The following LRFN5 variants were observed in gnomAD, a reference collection of about 807,000 sequenced individuals.
The protein encoded by LRFN5 is leucine-rich repeat and fibronectin type-III domain-containing protein 5.
In LRFN5, 24 loss-of-function variants were observed where a neutral mutation model predicts 45.6. The ratio of observed to expected loss-of-function variants is 0.53; its 90% CI spans 0.38 to 0.74. The LOEUF (loss-of-function observed/expected upper bound fraction) is 0.74, where lower values mean the gene tolerates loss of function less well. LRFN5 is among the 30% of genes least tolerant of loss of function. The pLI is 0.00. For synonymous variants in LRFN5, 340 were observed against 313.8 expected, an observed-to-expected ratio of 1.08 and a Z score of -0.88; for missense variants, 776 against 861.5, an observed-to-expected ratio of 0.90 and a Z score of 1.24.
intron 1 of LRFN5, among the ~76,000 whole-genome samples, chr14:41,641,556 T>C (rs1879578535): frequency 6.6e-6 from 1 of 152,112 alleles, no homozygotes; most frequent in Non-Finnish European, 1.5e-5. Context: ...TAGCATGAAA[T>C]GGCTTTTCTA....
In LRFN5 at chr14:41,639,275, T is replaced by C. The variant is rs74045183; in HGVS notation, c.-197+30713T>C. ...AACGAGTAGGTTTGCCTTCAAAGGA[T>C]GGACAGTCTGATAAATACTCTAATT... On this transcript the variant is annotated intron_variant, in intron 1 of 5. Coordinates refer to ENST00000298119, the MANE Select transcript of LRFN5 (RefSeq NM_152447.5). 5.0e-3 allele frequency among the ~76,000 whole-genome samples: 765 copies of C among 152,234 alleles called. 4 individuals carry two copies. The highest frequency in any genetic ancestry group is 0.018 in the African/African-American group (743 of 41,552).
At chr14:41,703,810 A>G (rs1323230131) in intron 1 of LRFN5, among the ~76,000 whole-genome samples, 1 of 152,152 alleles carries the variant, frequency 6.6e-6, no homozygotes, top group Admixed American at 6.5e-5. Context: ...GCATTATTGT[A>G]ACAATTTTGT....
intron 1 of LRFN5, among the ~76,000 whole-genome samples, chr14:41,678,175 A>G (rs1306053998): frequency 6.6e-6 from 1 of 152,068 alleles, no homozygotes; most frequent in Admixed American, 6.6e-5. Flanking sequence ...TACACTTAAG[A>G]ATGTTATTAG....
At chr14:41,770,544 C>A (rs532358153) in intron 2 of LRFN5, among the ~76,000 whole-genome samples, 2 of 152,244 alleles carry the variant, frequency 1.3e-5, no homozygotes, top group South Asian at 4.1e-4. Flanking sequence ...GGGTAATAGA[C>A]CCTGTACAAC....
chr14:41,778,419 T>C, intron 2 of LRFN5, among the ~76,000 whole-genome samples: 1 of 151,802 alleles, frequency 6.6e-6, no homozygotes, highest in Non-Finnish European at 1.5e-5. Context: ...GACTATTTTA[T>C]AGTTTTACAG....
At chr14:41,725,913 A>T (rs1247012317) in intron 1 of LRFN5, among the ~76,000 whole-genome samples, 2 of 152,198 alleles carry the variant, frequency 1.3e-5, no homozygotes, top group African/African-American at 4.8e-5. Context: ...ACATGTTAGA[A>T]AATGTTACTG....
chr14:41,892,030 A>G, intron 4 of LRFN5, 68 bp downstream of exon 4: 1 of 1,555,992 alleles, frequency 6.4e-7, no homozygotes, highest in Non-Finnish European at 8.6e-7. Context: ...ATGGAGAATT[A>G]AAGGAATACT....
intron 1 of LRFN5, among the ~76,000 whole-genome samples, chr14:41,623,589 G>A (rs1391713451): frequency 6.6e-6 from 1 of 152,096 alleles, no homozygotes; most frequent in Non-Finnish European, 1.5e-5. Flanking sequence ...TCTATATTAA[G>A]TGGTTTTAAG....
At chr14:41,723,018 C>T (rs1383428109) in intron 1 of LRFN5, among the ~76,000 whole-genome samples, 1 of 152,180 alleles carries the variant, frequency 6.6e-6, no homozygotes, top group Non-Finnish European at 1.5e-5. Context: ...GCCCCAAGCT[C>T]TCTGCATAGT....
chr14:41,753,743 T>A (rs573245872), intron 1 of LRFN5, among the ~76,000 whole-genome samples: 18 of 152,178 alleles, frequency 1.2e-4, no homozygotes, highest in Non-Finnish European at 2.1e-4. Context: ...CTTTTCCTAA[T>A]TGAATACCCT....
chr14:41,831,257 C>T (rs1432026064), intron 2 of LRFN5, among the ~76,000 whole-genome samples: 1 of 152,138 alleles, frequency 6.6e-6, no homozygotes, highest in Admixed American at 6.5e-5. Context: ...CACCATTCTT[C>T]TTTGATAGCT....
chr14:41,716,226 A>G (rs1883489822), intron 1 of LRFN5, among the ~76,000 whole-genome samples: 1 of 152,196 alleles, frequency 6.6e-6, no homozygotes, highest in African/African-American at 2.4e-5. Flanking sequence ...GACCTCTGGC[A>G]TGCCCTGGAG....
intron 1 of LRFN5, among the ~76,000 whole-genome samples, chr14:41,649,725 G>C (rs1880002219): frequency 6.6e-6 from 1 of 152,086 alleles, no homozygotes; most frequent in African/African-American, 2.4e-5. Flanking sequence ...CCTGTTAGGT[G>C]GGTTTAACCA....
intron 2 of LRFN5, among the ~76,000 whole-genome samples, chr14:41,787,715 T>C (rs1594709332): frequency 6.6e-6 from 1 of 152,046 alleles, no homozygotes; most frequent in South Asian, 2.1e-4. Flanking sequence ...AATATAACTT[T>C]TTTTTCCTAT....
At chr14:41,660,525 A>G (rs1411632751) in intron 1 of LRFN5, among the ~76,000 whole-genome samples, 1 of 152,094 alleles carries the variant, frequency 6.6e-6, no homozygotes, top group Non-Finnish European at 1.5e-5. Context: ...TTTTCTATGC[A>G]TGTTTAGAAG....
At chr14:41,851,862 G>A (rs1889278448) in intron 2 of LRFN5, among the ~76,000 whole-genome samples, 1 of 151,680 alleles carries the variant, frequency 6.6e-6, no homozygotes, top group Admixed American at 6.6e-5. Flanking sequence ...TGTTTGGTCT[G>A]TGGCACTTGA....
rs768098117 is a variant in LRFN5, at chr14:41,853,686, G to T, written c.-20-32920G>T. 5.0e-4 allele frequency among the ~76,000 whole-genome samples: 76 copies of T among 152,012 alleles called. 2 individuals carry two copies. Among genetic ancestry groups the T allele is most frequent in the Admixed American group, 3.2e-3 (48 of 15,234 alleles). ...ACTCAGAGGGGAAATCAGGACACAG[G>T]ATATATTTGGAAAAAATAACATTAT... On this transcript the variant is annotated intron_variant, in intron 2 of 5. Transcript: ENST00000298119.
At chr14:41,872,555 C>T (rs1018702183) in intron 2 of LRFN5, among the ~76,000 whole-genome samples, 1 of 152,186 alleles carries the variant, frequency 6.6e-6, no homozygotes, top group Non-Finnish European at 1.5e-5. Context: ...GAGTCCTTAT[C>T]ATCCTTGCTC....
intron 2 of LRFN5, among the ~76,000 whole-genome samples, chr14:41,817,643 A>C (rs1021006232): frequency 1.3e-4 from 20 of 152,136 alleles, no homozygotes; most frequent in African/African-American, 4.3e-4. Context: ...TTCTGAGAGA[A>C]GACCTTATTA....
Sources: gnomAD v4.1 joint callset for allele counts (sites outside exome capture counted in the v4.1 genomes callset) on GRCh38, gnomAD v4.1.1 for gene constraint, MANE v1.5 for transcripts, NCBI Gene and HGNC (gene_info 2026-07-23, HGNC 2026-07-21) for gene names.